Variants in COG6 observed in about 807,000 individuals in gnomAD.
The protein encoded by COG6 is conserved oligomeric Golgi complex subunit 6.
COG6 carries 74 observed loss-of-function variants against 88.8 expected under a neutral mutation model. The ratio of observed to expected loss-of-function variants is 0.83; its 90% CI spans 0.69 to 1.01. The LOEUF (loss-of-function observed/expected upper bound fraction) is 1.01, where lower values mean the gene tolerates loss of function less well. Among genes scored for constraint, COG6 ranks in the 50% least tolerant of loss-of-function variants. The pLI is 0.00. For synonymous variants in COG6, 286 were observed against 278.7 expected (o/e 1.03, Z -0.26); for missense variants, 800 against 797.9 (o/e 1.00, Z -0.03).
intron 18 of COG6, chr13:39,788,322 C>T: frequency 6.4e-7 from 1 of 1,551,692 alleles, no homozygotes; most frequent in South Asian, 1.2e-5. Flanking sequence ...TGATTGTTGG[C>T]ATTTGCTCAC....
At chr13:39,761,383 C>G (rs889606935) in intron 18 of COG6, among the ~76,000 whole-genome samples, 12 of 151,782 alleles carry the variant, frequency 7.9e-5, no homozygotes, top group African/African-American at 2.9e-4. Flanking sequence ...AAACTAGACC[C>G]CTAATGGATA....
downstream of COG6, among the ~76,000 whole-genome samples, chr13:39,753,506 A>C (rs367962923): frequency 2.6e-5 from 4 of 152,308 alleles, no homozygotes; most frequent in East Asian, 7.7e-4. Flanking sequence ...GAGGACTTTT[A>C]CACCCACATT....
At chr13:39,738,882 G>A (rs1475253821) in intron 18 of COG6, among the ~76,000 whole-genome samples, 4 of 152,082 alleles carry the variant, frequency 2.6e-5, no homozygotes, top group African/African-American at 9.7e-5. Flanking sequence ...CAAATAACAT[G>A]AAATATAAGC....
chr13:39,691,212 T>C (rs539572388), intron 11 of COG6, among the ~76,000 whole-genome samples: 146 of 152,012 alleles, frequency 9.6e-4, no homozygotes, highest in African/African-American at 3.5e-3. Flanking sequence ...GACTTTTCAG[T>C]TTCCTGTCCT....
In COG6 at chr13:39,751,524, A is replaced by C. The variant is rs781227592; in HGVS notation, c.*431A>C. The C allele has an allele frequency of 7.8e-7, 1 of 1,285,356 alleles. No individual in the cohort carries two copies. Among genetic ancestry groups the C allele is most frequent in the South Asian group, 1.2e-5 (1 of 80,896 alleles). 79.6% of individuals were successfully genotyped at this position (1,285,356 alleles called of 1,614,324 possible). On this transcript the variant is annotated 3_prime_UTR_variant, in exon 19 of 19. Coordinates refer to ENST00000455146, the MANE Select transcript of COG6 (RefSeq NM_020751.3). ...CTAAAGATTCATTTGCTTTCTTTTA[A>C]TATGAGTAGGCATACTTAGTAGCTT...
chr13:39,708,344 T>C (rs1016806065), intron 13 of COG6, among the ~76,000 whole-genome samples: 3 of 152,238 alleles, frequency 2.0e-5, no homozygotes, highest in African/African-American at 7.2e-5. Flanking sequence ...CTTTTCACTC[T>C]CTTAGTCATG....
chr13:39,769,629 G>A (rs1881263200), intron 18 of COG6, among the ~76,000 whole-genome samples: 1 of 152,178 alleles, frequency 6.6e-6, no homozygotes, highest in South Asian at 2.1e-4. Context: ...CTGAAGAGTA[G>A]AGGGAAATAG....
At chr13:39,682,429 C>T (rs1876371823) in intron 8 of COG6, 165 bp downstream of exon 8, 2 of 587,930 alleles carry the variant, frequency 3.4e-6, no homozygotes, top group Non-Finnish European at 6.1e-6. Flanking sequence ...GGGGTATCAG[C>T]TTATTTGAAT....
chr13:39,774,310 C>T (rs1487764283), intron 18 of COG6, among the ~76,000 whole-genome samples: 1 of 152,044 alleles, frequency 6.6e-6, no homozygotes, highest in Non-Finnish European at 1.5e-5. Context: ...CCAGTTGTTT[C>T]TGGTATTTAC....
intron 6 of COG6, 127 bp from the exon 7 acceptor site, chr13:39,679,848 G>A (rs1285913880): frequency 1.5e-6 from 1 of 687,474 alleles, no homozygotes; most frequent in African/African-American, 1.8e-5. Context: ...GAAAATTATT[G>A]AAAAATCATC....
At chr13:39,724,654 T>C (rs1879037928) in intron 17 of COG6, 93 bp downstream of exon 17, 10 of 960,088 alleles carry the variant, frequency 1.0e-5, no homozygotes, top group Non-Finnish European at 1.7e-5. Context: ...TGGGTGACAC[T>C]TTTTATCTCT....
exon 19 of COG6, chr13:39,791,247 T>G (rs1424452051): frequency 6.6e-6 from 1 of 152,056 alleles, no homozygotes; most frequent in Non-Finnish European, 1.5e-5. Flanking sequence ...TTTTGGTATT[T>G]AAGATTTTAA....
downstream of COG6, among the ~76,000 whole-genome samples, chr13:39,757,571 TAA>T (rs964567861): frequency 1.5e-5 from 2 of 132,706 alleles, no homozygotes; most frequent in Admixed American, 7.5e-5. Context: ...GACTGAACAA[TAA>T]AAAAAAAAAG....
rs886050232 is a variant in COG6 at position 39,751,298 on chromosome 13, C to G, written c.*205C>G. The stretch of plus-strand genomic sequence containing the variant: ...GACCTGAGCTAGTATTGCTGTGTAT[C>G]TACTCTAAATGAGATGATCTATTTT... On this transcript the variant is annotated 3_prime_UTR_variant, in exon 19 of 19. Coordinates refer to ENST00000455146, the MANE Select transcript of COG6 (RefSeq NM_020751.3). 4.7e-6 allele frequency: 7 copies of G among 1,502,152 alleles called. No homozygotes were observed. Among genetic ancestry groups the G allele is most frequent in the Non-Finnish European group, 5.3e-6 (6 of 1,128,238 alleles). The allele number at this position is 1,502,152 out of a possible 1,614,324, so 93.1% of individuals were successfully genotyped here. A position where few individuals can be genotyped will look rare whatever the true frequency, so the allele number is the denominator to read the frequency against.
At chr13:39,706,248 T>TAC (rs1273884854) in intron 13 of COG6, among the ~76,000 whole-genome samples, 1 of 76,316 alleles carries the variant, frequency 1.3e-5, no homozygotes, top group African/African-American at 4.3e-5. Flanking sequence ...TATATATATA[T>TAC]ACTCCTTTAT....
intron 13 of COG6, among the ~76,000 whole-genome samples, chr13:39,706,215 T>TTTTA (rs1877886608): frequency 7.9e-6 from 1 of 126,730 alleles, no homozygotes; most frequent in African/African-American, 2.9e-5. Context: ...ATATACTCCT[T>TTTTA]TATATATATA....
chr13:39,739,753 C>T (rs1250748567), intron 18 of COG6, among the ~76,000 whole-genome samples: 4 of 152,104 alleles, frequency 2.6e-5, no homozygotes, highest in East Asian at 1.9e-4. Flanking sequence ...TGCATAGTTA[C>T]TGTCACATCT....
chr13:39,757,088 C>T (rs1336938444), downstream of COG6, among the ~76,000 whole-genome samples: 1 of 152,074 alleles, frequency 6.6e-6, no homozygotes, highest in African/African-American at 2.4e-5. Flanking sequence ...TATGTTAGGC[C>T]ACAATACAAG....
chr13:39,714,636 A>G (rs935884431), intron 13 of COG6, among the ~76,000 whole-genome samples: 1 of 152,070 alleles, frequency 6.6e-6, no homozygotes, highest in African/African-American at 2.4e-5. Context: ...ATTGATGTGG[A>G]TATGGTGAAA....
Sources: gnomAD v4.1 joint callset for allele counts (sites outside exome capture counted in the v4.1 genomes callset) on GRCh38, gnomAD v4.1.1 for gene constraint, MANE v1.5 for transcripts, NCBI Gene and HGNC (gene_info 2026-07-23, HGNC 2026-07-21) for gene names.